PLPP4: variants seen among roughly 807,000 people sequenced by gnomAD.
The protein encoded by PLPP4 is diacylglycerol pyrophosphate like 2.
PLPP4 carries 20 observed loss-of-function variants against 32.2 expected under a neutral mutation model. That is an observed-to-expected ratio of 0.62 (90% CI 0.44 to 0.90). The LOEUF (loss-of-function observed/expected upper bound fraction) is 0.90. Among genes scored for constraint, PLPP4 ranks in the 40% least tolerant of loss-of-function variants. The pLI is 0.00. For missense variants in PLPP4, 257 were observed against 353.1 expected, an observed-to-expected ratio of 0.73 and a Z score of 2.18; for synonymous variants, 127 against 133.0, an observed-to-expected ratio of 0.95 and a Z score of 0.31.
intron 5 of PLPP4, among the ~76,000 whole-genome samples, chr10:120,555,252 T>G (rs1848102664): frequency 6.6e-6 from 1 of 152,150 alleles, no homozygotes; most frequent in Non-Finnish European, 1.5e-5. Flanking sequence ...AAAGCTAGAC[T>G]GAAAAAAGAT....
At chr10:120,496,937 GTA>G (rs1844995524) in intron 1 of PLPP4, among the ~76,000 whole-genome samples, 1 of 138,518 alleles carries the variant, frequency 7.2e-6, no homozygotes, top group Non-Finnish European at 1.6e-5. Flanking sequence ...GTGTGTGTGT[GTA>G]TGTGCAGGTG....
At chr10:120,574,168 ACTCTCTCTCTCTCTCTCTCTCTCTCT>A (rs58917160) in intron 5 of PLPP4, among the ~76,000 whole-genome samples, 6 of 47,116 alleles carry the variant, frequency 1.3e-4, no homozygotes, top group African/African-American at 5.1e-4. Flanking sequence ...ACACACACAC[ACTCTCTCTCTCTCTCTCTCTCTCTCT>A]CTCTCTCTCT....
chr10:120,498,275 A>C (rs981593675), intron 1 of PLPP4, among the ~76,000 whole-genome samples: 1 of 151,142 alleles, frequency 6.6e-6, no homozygotes, highest in Non-Finnish European at 1.5e-5. Flanking sequence ...GATGTTGATC[A>C]TAGTTAACAA....
At chr10:120,528,136 G>T (rs1039178077) in intron 5 of PLPP4, among the ~76,000 whole-genome samples, 1 of 139,290 alleles carries the variant, frequency 7.2e-6, no homozygotes, top group African/African-American at 2.7e-5. Flanking sequence ...GTGCAGCGGC[G>T]CGATCTCGGC....
intron 5 of PLPP4, among the ~76,000 whole-genome samples, chr10:120,525,220 A>T (rs1166786154): frequency 6.6e-6 from 1 of 152,186 alleles, no homozygotes; most frequent in Admixed American, 6.5e-5. Context: ...AATATTTATT[A>T]TCTGGCCCTT....
intron 5 of PLPP4, among the ~76,000 whole-genome samples, chr10:120,555,646 C>T (rs1002431617): frequency 5.3e-5 from 8 of 152,196 alleles, no homozygotes; most frequent in Non-Finnish European, 1.0e-4. Flanking sequence ...AGAAAGAGCA[C>T]GGGTCTGCCT....
intron 3 of PLPP4, among the ~76,000 whole-genome samples, chr10:120,515,107 C>T (rs1435994327): frequency 6.6e-6 from 1 of 152,124 alleles, no homozygotes; most frequent in African/African-American, 2.4e-5. Flanking sequence ...CCTGTTAGGC[C>T]TTATCTACTT....
chr10:120,589,724 T>G lies in PLPP4; in HGVS notation c.*222T>G, dbSNP rs1443096013. The G allele has an allele frequency of 1.9e-6, 1 of 535,520 alleles. No individual in the cohort carries two copies. The highest frequency in any genetic ancestry group is 3.3e-6 in the Non-Finnish European group (1 of 303,496). 33.2% of individuals were successfully genotyped at this position (535,520 alleles called of 1,614,324 possible). A position where few individuals can be genotyped will look rare whatever the true frequency, so the allele number is the denominator to read the frequency against. On this transcript the variant is annotated 3_prime_UTR_variant, in exon 7 of 7. Transcript: ENST00000398250. Reference sequence around the variant, plus strand: ...AGGACAACAATCTCTGAGAGACGTGTGGAAGAGGCTGTGAAGGTGGGGTTT... The same window carrying G: ...AGGACAACAATCTCTGAGAGACGTGGGGAAGAGGCTGTGAAGGTGGGGTTT...
chr10:120,531,505 T>G (rs1295150714), intron 5 of PLPP4, among the ~76,000 whole-genome samples: 1 of 152,176 alleles, frequency 6.6e-6, no homozygotes, highest in African/African-American at 2.4e-5. Flanking sequence ...GCACTCTGTG[T>G]CCTAAGAAAC....
intron 1 of PLPP4, among the ~76,000 whole-genome samples, chr10:120,490,563 C>T (rs1383142244): frequency 6.6e-6 from 1 of 152,230 alleles, no homozygotes; most frequent in Admixed American, 6.5e-5. Flanking sequence ...CTGCCCTCAG[C>T]CTCTCTTCTA....
At chr10:120,561,908 T>C (rs540929741) in intron 5 of PLPP4, among the ~76,000 whole-genome samples, 28 of 152,318 alleles carry the variant, frequency 1.8e-4, no homozygotes, top group Non-Finnish European at 3.7e-4. Flanking sequence ...AAGCAGAGGA[T>C]TCTACCACAT....
chr10:120,522,654 A>G (rs1443375340), intron 5 of PLPP4, among the ~76,000 whole-genome samples: 1 of 152,222 alleles, frequency 6.6e-6, no homozygotes. Context: ...AGATACGTTT[A>G]AGTCCCAGCC....
At chr10:120,541,460 G>C (rs1421729521) in intron 5 of PLPP4, among the ~76,000 whole-genome samples, 1 of 152,192 alleles carries the variant, frequency 6.6e-6, no homozygotes. Context: ...TTTGTCTAAT[G>C]CAACACTAGA....
chr10:120,517,987 A>G (rs756716312), intron 3 of PLPP4, among the ~76,000 whole-genome samples: 2 of 152,230 alleles, frequency 1.3e-5, no homozygotes, highest in African/African-American at 2.4e-5. Flanking sequence ...ATGGGGCATC[A>G]ATAGGTTTGT....
rs987825885 is a variant in PLPP4, at chr10:120,580,809, C to T, written c.616+5508C>T. The T allele has an allele frequency of 2.5e-5, 28 of 1,122,726 alleles. No homozygotes were observed. In the African/African-American group the frequency reaches 4.0e-4, roughly 16 times the overall value. The allele number at this position is 1,122,726 out of a possible 1,614,324, so 69.5% of individuals were successfully genotyped here. A position where few individuals can be genotyped will look rare whatever the true frequency, so the allele number is the denominator to read the frequency against. ...TATGATTGTTTCTGCCAAAAACCTG[C>T]CAGCCCTGGGTAGAACAAAAACACT... On this transcript the variant is annotated intron_variant, in intron 6 of 6. Coordinates refer to ENST00000398250, the MANE Select transcript of PLPP4 (RefSeq NM_001030059.3).
At chr10:120,504,353 A>G (rs1845400052) in intron 2 of PLPP4, among the ~76,000 whole-genome samples, 1 of 152,212 alleles carries the variant, frequency 6.6e-6, no homozygotes, top group Non-Finnish European at 1.5e-5. Context: ...CTAATACCCG[A>G]TTGGCTAACA....
chr10:120,478,299 C>A (rs1844028571), intron 1 of PLPP4, among the ~76,000 whole-genome samples: 1 of 152,188 alleles, frequency 6.6e-6, no homozygotes, highest in South Asian at 2.1e-4. Context: ...TGGCCTGTTT[C>A]CCCAGGTGCA....
chr10:120,554,237 G>T (rs113880258), intron 5 of PLPP4, among the ~76,000 whole-genome samples: 3 of 152,050 alleles, frequency 2.0e-5, no homozygotes, highest in Admixed American at 6.6e-5. Flanking sequence ...TCAAAGTTCC[G>T]CAGATCCCTA....
At chr10:120,505,123 A>G (rs1845435204) in intron 2 of PLPP4, among the ~76,000 whole-genome samples, 1 of 152,216 alleles carries the variant, frequency 6.6e-6, no homozygotes, top group Non-Finnish European at 1.5e-5. Context: ...GGAAGATGTC[A>G]TTATTGTCCA....
Sources: gnomAD v4.1 joint callset for allele counts (sites outside exome capture counted in the v4.1 genomes callset) on GRCh38, gnomAD v4.1.1 for gene constraint, MANE v1.5 for transcripts, NCBI Gene and HGNC (gene_info 2026-07-23, HGNC 2026-07-21) for gene names.